Variants in FAM81B observed in about 807,000 individuals in gnomAD.
FAM81B encodes the protein family with sequence similarity 81 member B, also known as protein FAM81B.
A neutral mutation model predicts 58.7 loss-of-function variants in FAM81B; 60 were observed. That is an observed-to-expected ratio of 1.02 (90% CI 0.83 to 1.27). FAM81B has a LOEUF of 1.27. Among genes scored for constraint, FAM81B ranks in the 50% most tolerant of loss-of-function variants. FAM81B has a pLI of 0.00. For synonymous variants in FAM81B, 189 were observed against 179.6 expected (o/e 1.05, Z -0.42); for missense variants, 491 against 522.0 (o/e 0.94, Z 0.58).
chr5:95,393,272 G>A (rs1018866405), intron 2 of FAM81B, among the ~76,000 whole-genome samples: 1 of 152,048 alleles, frequency 6.6e-6, no homozygotes, highest in East Asian at 1.9e-4. Context: ...TATCTTCTCC[G>A]TTAAAAAGAA....
intron 3 of FAM81B, chr5:95,396,632 G>GT (rs1316885787): frequency 6.5e-6 from 1 of 153,320 alleles, no homozygotes; most frequent in African/African-American, 2.4e-5. Flanking sequence ...CCCAGGAAAG[G>GT]TGTACCACAG....
intron 7 of FAM81B, among the ~76,000 whole-genome samples, chr5:95,442,164 T>A (rs1745383314): frequency 6.6e-6 from 1 of 152,156 alleles, no homozygotes; most frequent in African/African-American, 2.4e-5. Context: ...TAGAAGCCAA[T>A]GAATGAATGA....
intron 3 of FAM81B, among the ~76,000 whole-genome samples, chr5:95,408,296 G>A (rs529920511): frequency 6.6e-5 from 10 of 152,154 alleles, no homozygotes; most frequent in Non-Finnish European, 1.2e-4. Context: ...TTCTTTGCCT[G>A]TACATGAAAT....
rs1293421094 is a variant in FAM81B at position 95,407,585 on chromosome 5, C to T, written c.294-6362C>T. 7.2e-5 allele frequency among the ~76,000 whole-genome samples: 11 copies of T among 152,302 alleles called. No individual in the cohort carries two copies. The East Asian group carries it at 2.1e-3, about 29-fold the overall frequency. ...GGCATCTCTAGAGAGATGCCATATA[C>T]TAAATCCCAAATTTGTTTTCTTCCC... is the stretch of plus-strand genomic sequence containing the variant. On this transcript the variant is annotated intron_variant, in intron 3 of 9. Transcript: ENST00000283357.
chr5:95,410,817 G>T (rs1437984455), intron 3 of FAM81B: 1 of 152,136 alleles, frequency 6.6e-6, no homozygotes, highest in Non-Finnish European at 1.5e-5. Context: ...GCGGCAACAT[G>T]GAAAACATCC....
intron 7 of FAM81B, among the ~76,000 whole-genome samples, chr5:95,442,600 A>G (rs922754833): frequency 2.6e-5 from 4 of 152,050 alleles, no homozygotes; most frequent in African/African-American, 4.8e-5. Flanking sequence ...AATTTTTAAA[A>G]GGGAAAGACC....
rs2432176 is a variant in FAM81B, at chr5:95,437,738, C to G, written c.893+832C>G. On this transcript the variant is annotated intron_variant, in intron 7 of 9. Transcript: ENST00000283357. ...TAAAGGAGACAGCTCCACAAATGTT[C>G]AAATTACTGGCTTCCTTATTATCAA... Among the ~76,000 whole-genome samples the G allele has an allele frequency of 3.9e-5, 6 of 152,128 alleles. No individual in the cohort carries two copies. The South Asian group carries it at 1.0e-3, about 26-fold the overall frequency.
intron 3 of FAM81B, among the ~76,000 whole-genome samples, chr5:95,408,199 A>G (rs1762315714): frequency 2.0e-5 from 3 of 152,140 alleles, no homozygotes; most frequent in Non-Finnish European, 4.4e-5. Flanking sequence ...AAGGCACAAC[A>G]AAACTAGCTT....
chr5:95,392,642 G>A (rs1369876007), intron 1 of FAM81B, 152 bp from the exon 2 acceptor site: 1 of 642,108 alleles, frequency 1.6e-6, no homozygotes, highest in African/African-American at 1.9e-5. Flanking sequence ...ATTGGGATAA[G>A]TGAGGAGAGG....
At chr5:95,402,263 G>A (rs1273874043) in intron 3 of FAM81B, among the ~76,000 whole-genome samples, 1 of 152,148 alleles carries the variant, frequency 6.6e-6, no homozygotes, top group Non-Finnish European at 1.5e-5. Context: ...GATTTAGAAA[G>A]GTCAATTGGA....
In FAM81B at chr5:95,423,547, T is replaced by TAAA. The variant is rs70978187; in HGVS notation, c.656+3164_656+3166dup. ...ACTCCAGAACAAACCTGCATGTGGG[T>TAAA]AAAAAAAAAAAAAAAAAAAAAGATA... On this transcript the variant is annotated intron_variant, in intron 5 of 9. Transcript: ENST00000283357. Among the ~76,000 whole-genome samples, 795 of 123,436 alleles carry TAAA rather than the reference T, an allele frequency of 6.4e-3. 10 individuals are homozygous for TAAA. Among genetic ancestry groups the TAAA allele is most frequent in the African/African-American group, 0.022 (733 of 32,880 alleles). 81.0% of individuals were successfully genotyped at this position (123,436 alleles called of 152,430 possible). A position where few individuals can be genotyped will look rare whatever the true frequency, so the allele number is the denominator to read the frequency against.
chr5:95,396,247 G>A, intron 3 of FAM81B, 72 bp downstream of exon 3: 5 of 1,198,936 alleles, frequency 4.2e-6, no homozygotes, highest in Non-Finnish European at 4.7e-6. Flanking sequence ...ACGCAAAAAA[G>A]AAAAAATCCT....
chr5:95,401,697 G>T (rs560266400), intron 3 of FAM81B, among the ~76,000 whole-genome samples: 33 of 151,998 alleles, frequency 2.2e-4, no homozygotes, highest in Non-Finnish European at 4.3e-4. Context: ...TCTAGAAAAA[G>T]GTTTAAATTT....
chr5:95,448,550 GATCA>G (rs1745673351), intron 9 of FAM81B, 86 bp downstream of exon 9: 10 of 1,253,958 alleles, frequency 8.0e-6, no homozygotes, highest in Non-Finnish European at 1.1e-5. Context: ...AATGGCCAGG[GATCA>G]ATCTTGTCAT....
At chr5:95,420,747 T>A (rs925694242) in intron 5 of FAM81B, among the ~76,000 whole-genome samples, 38 of 152,178 alleles carry the variant, frequency 2.5e-4, no homozygotes, top group Non-Finnish European at 4.6e-4. Context: ...AGTAAAACAT[T>A]TAAAATATAC....
chr5:95,407,552 G>A lies in FAM81B; in HGVS notation c.294-6395G>A, dbSNP rs546694878. ...TCTGTCTTCAGACACATTTCAGACT[G>A]TTCAAGGGGCATCTCTAGAGAGATG... On this transcript the variant is annotated intron_variant, in intron 3 of 9. Coordinates refer to ENST00000283357, the MANE Select transcript of FAM81B (RefSeq NM_152548.3). Among the ~76,000 whole-genome samples, 5 of 152,256 alleles carry A rather than the reference G, an allele frequency of 3.3e-5. No homozygotes were observed. In the East Asian group the frequency reaches 9.7e-4, roughly 29 times the overall value.
chr5:95,436,314 G>A (rs549408807), intron 6 of FAM81B, among the ~76,000 whole-genome samples: 1 of 152,308 alleles, frequency 6.6e-6, no homozygotes, highest in African/African-American at 2.4e-5. Flanking sequence ...GGCCAGTCAT[G>A]TGTGTTTTCC....
At chr5:95,441,125 A>G (rs368518576) in intron 7 of FAM81B, among the ~76,000 whole-genome samples, 226 of 152,246 alleles carry the variant, frequency 1.5e-3, no homozygotes, top group African/African-American at 5.2e-3. Flanking sequence ...CCAAGATACA[A>G]TTAAAACCTG....
Position 95,448,396 on chromosome 5 carries a change from A to G in FAM81B, c.1157A>G (p.Lys386Arg). The change falls in exon 9 of 10, where the codon AAA (lysine) becomes AGA (arginine). Residue 386 changes from lysine to arginine, a missense_variant. Coordinates refer to ENST00000283357, the MANE Select transcript of FAM81B (RefSeq NM_152548.3). ...KVKHMENKLS[K>R]KMEQMEKQIW... ...AAGCATATGGAAAATAAATTGTCCA[A>G]AAAGATGGAACAAATGGAAAAGCAG... is the stretch of plus-strand genomic sequence containing the variant. The G allele has an allele frequency of 6.2e-7, 1 of 1,612,880 alleles. No homozygotes were observed. Among genetic ancestry groups the G allele is most frequent in the Non-Finnish European group, 8.5e-7 (1 of 1,179,650 alleles).
Sources: allele counts gnomAD v4.1 joint callset (sites outside exome capture counted in the v4.1 genomes callset), GRCh38; gene constraint gnomAD v4.1.1; transcripts MANE v1.5; gene names NCBI Gene and HGNC (gene_info 2026-07-23, HGNC 2026-07-21).